The following ELOF1 variants were observed in gnomAD, a reference collection of about 807,000 sequenced individuals.
ELOF1 encodes the protein elongation factor 1, also known as transcription elongation factor 1 homolog.
ELOF1 carries 4 observed loss-of-function variants against 7.1 expected under a neutral mutation model. That is an observed-to-expected ratio of 0.56 (90% CI 0.28 to 1.29). The LOEUF (loss-of-function observed/expected upper bound fraction) is 1.29. Ranked by LOEUF, ELOF1 falls within the 50% of genes most tolerant of loss-of-function variation. ELOF1 has a pLI of 0.10. For synonymous variants in ELOF1, 31 were observed against 31.9 expected (o/e 0.97, Z 0.09); for missense variants, 59 against 86.3 (o/e 0.68, Z 1.25).
At chr19:11,556,441 AG>A (rs1323171945) in intron 1 of ELOF1, among the ~76,000 whole-genome samples, 1 of 151,652 alleles carries the variant, frequency 6.6e-6, no homozygotes, top group African/African-American at 2.4e-5. Flanking sequence ...CTGGGAGTAC[AG>A]GCATGCACTA....
chr19:11,554,040 C>A lies in ELOF1; in HGVS notation c.158G>T (p.Cys53Phe), dbSNP rs756331430. 3 of 1,614,196 alleles carry A rather than the reference C, an allele frequency of 1.9e-6. No individual in the cohort carries two copies. In the Admixed American group the frequency reaches 5.0e-5, roughly 27 times the overall value. The change falls in exon 3 of 4, where the codon TGC becomes TTC. Residue 53 changes from cysteine (C) to phenylalanine (F), a missense_variant. Physicochemically the swap from Cys to Phe is radical, Grantham distance 205. Coordinates refer to ENST00000586683, the Ensembl canonical transcript of ELOF1. ...TATGGGCGTCTGGAATTCCTCTAGG[C>A]ACACGGTACAAGAGATGACTCCGGT...
intron 1 of ELOF1, among the ~76,000 whole-genome samples, chr19:11,556,097 C>A (rs907517148): frequency 1.3e-5 from 2 of 152,000 alleles, no homozygotes; most frequent in African/African-American, 4.8e-5. Context: ...GAGCCCAACT[C>A]CCCTGCGAGG....
At chr19:11,557,176 C>T (rs1972845326) in intron 1 of ELOF1, among the ~76,000 whole-genome samples, 1 of 152,144 alleles carries the variant, frequency 6.6e-6, no homozygotes, top group African/African-American at 2.4e-5. Context: ...TTCCAGAGGT[C>T]CTTCCTCCCC....
rs760046806 is a variant in ELOF1 at position 11,554,103 on chromosome 19, G to A, written c.117-22C>T. 9.3e-6 allele frequency: 15 copies of A among 1,614,216 alleles called. No individual in the cohort carries two copies. In the South Asian group the frequency reaches 1.5e-4, roughly 17 times the overall value. On this transcript the variant is annotated intron_variant, in intron 2 of 3. Transcript: ENST00000586683. ...GTCCCTGAAACAGACCAAGAGAAGG[G>A]ACTGGTGAGCAATGCGTCCTGGGCC...
At chr19:11,554,538 C>G in intron 1 of ELOF1, 173 bp from the exon 2 acceptor site, 2 of 928,316 alleles carry the variant, frequency 2.2e-6, no homozygotes, top group Non-Finnish European at 3.1e-6. Context: ...CCCTGTCCCA[C>G]TCTGGATGGA....
chr19:11,556,460 T>G (rs1245574152), intron 1 of ELOF1, among the ~76,000 whole-genome samples: 1 of 151,854 alleles, frequency 6.6e-6, no homozygotes, highest in Non-Finnish European at 1.5e-5. Context: ...CTACCACGCG[T>G]GGCTAATTTT....
intron 3 of ELOF1, chr19:11,553,244 GAGA>G (rs903192064): frequency 3.5e-5 from 14 of 399,606 alleles, no homozygotes; most frequent in Non-Finnish European, 6.2e-5. Flanking sequence ...CTAGAAGGTG[GAGA>G]AGGAGAGCGG....
At chr19:11,558,910 T>A (rs943778290) in intron 1 of ELOF1, 1 of 151,898 alleles carries the variant, frequency 6.6e-6, no homozygotes, top group Non-Finnish European at 1.5e-5. Context: ...AGAGGAGTCA[T>A]CCCCCGAATC....
intron 1 of ELOF1, among the ~76,000 whole-genome samples, chr19:11,556,071 G>A (rs1972829380): frequency 6.6e-6 from 1 of 152,034 alleles, no homozygotes; most frequent in South Asian, 2.1e-4. Flanking sequence ...GTGGGGAAAC[G>A]GCAGCAGTTA....
At chr19:11,553,640 A>C in intron 3 of ELOF1, 1 of 1,190,440 alleles carries the variant, frequency 8.4e-7, no homozygotes, top group Non-Finnish European at 1.2e-6. Context: ...CACGGCTGTG[A>C]CAGCCCAGGA....
At chr19:11,558,251 T>C (rs1972861777) in intron 1 of ELOF1, among the ~76,000 whole-genome samples, 1 of 151,952 alleles carries the variant, frequency 6.6e-6, no homozygotes, top group Admixed American at 6.6e-5. Context: ...ACCTCTGAAA[T>C]ATAAATTAGC....
At chr19:11,553,721 C>T in intron 3 of ELOF1, 1 of 1,614,136 alleles carries the variant, frequency 6.2e-7, no homozygotes, top group Non-Finnish European at 8.5e-7. Context: ...CGCGGGGCTG[C>T]TCAGGGGGCG....
chr19:11,553,141 C>T (rs1252347956), intron 3 of ELOF1: 3 of 401,768 alleles, frequency 7.5e-6, no homozygotes, highest in Admixed American at 8.5e-5. Flanking sequence ...ATGAAACGGG[C>T]TTCCTGGTTA....
At chr19:11,554,071 G>T in exon 3 of ELOF1, 1 of 1,614,182 alleles carries the variant, frequency 6.2e-7, no homozygotes, top group Non-Finnish European at 8.5e-7. Flanking sequence ...CCGGTGTTGC[G>T]GGCACGGTCC....
intron 3 of ELOF1, chr19:11,553,544 CCACA>C (rs1446582782): frequency 4.6e-6 from 3 of 652,052 alleles, no homozygotes; most frequent in Non-Finnish European, 8.0e-6. Context: ...CCACACACAC[CCACA>C]CTCACTCACA....
At chr19:11,558,812 T>C (rs1470122883) in intron 1 of ELOF1, among the ~76,000 whole-genome samples, 1 of 151,162 alleles carries the variant, frequency 6.6e-6, no homozygotes, top group Non-Finnish European at 1.5e-5. Flanking sequence ...CCCCATCCCA[T>C]GAATGGGGTC....
At chr19:11,553,140 G>C in intron 3 of ELOF1, 1 of 401,812 alleles carries the variant, frequency 2.5e-6, no homozygotes, top group Non-Finnish European at 4.4e-6. Context: ...CATGAAACGG[G>C]CTTCCTGGTT....
intron 1 of ELOF1, among the ~76,000 whole-genome samples, chr19:11,555,959 A>G (rs907775022): frequency 6.6e-6 from 1 of 152,068 alleles, no homozygotes; most frequent in Non-Finnish European, 1.5e-5. Context: ...AGGTGGCATC[A>G]TTCTCTGATG....
chr19:11,553,700 G>T, intron 3 of ELOF1: 2 of 1,612,792 alleles, frequency 1.2e-6, no homozygotes, highest in Non-Finnish European at 1.7e-6. Context: ...CGAACAGCTG[G>T]ATCCACAGTA....
Sources: gnomAD v4.1 joint callset for allele counts (sites outside exome capture counted in the v4.1 genomes callset) on GRCh38, gnomAD v4.1.1 for gene constraint, MANE v1.5 for transcripts, NCBI Gene and HGNC (gene_info 2026-07-23, HGNC 2026-07-21) for gene names.